The following SLC43A1 variants were observed in gnomAD, a reference collection of about 807,000 sequenced individuals.
SLC43A1 encodes the protein large neutral amino acids transporter small subunit 3.
Under a neutral mutation model 59.5 loss-of-function variants are expected in SLC43A1, and 31 were observed. The ratio of observed to expected loss-of-function variants is 0.52; its 90% CI spans 0.39 to 0.70. The LOEUF is 0.70. Among genes scored for constraint, SLC43A1 ranks in the 30% least tolerant of loss-of-function variants. The probability of loss-of-function intolerance (pLI) is 0.00; values close to 1 mark genes in which losing one functional copy is unlikely to be tolerated. For synonymous variants in SLC43A1, 259 were observed against 290.9 expected (o/e 0.89, Z 1.12); for missense variants, 598 against 717.8 (o/e 0.83, Z 1.91).
Position 57,484,989 on chromosome 11 carries a change from G to A in SLC43A1, c.*107C>T, listed in dbSNP as rs557975271. The A allele has an allele frequency of 2.2e-4, 273 of 1,233,752 alleles. 2 individuals carry two copies. In the South Asian group the frequency reaches 2.5e-3, roughly 11 times the overall value. The allele number at this position is 1,233,752 out of a possible 1,614,324, so 76.4% of individuals were successfully genotyped here. A position where few individuals can be genotyped will look rare whatever the true frequency, so the allele number is the denominator to read the frequency against. On this transcript the variant is annotated 3_prime_UTR_variant, in exon 15 of 15. Transcript: ENST00000278426. Reference sequence around the variant, plus strand: ...CTTCTCTTGGTATTTATAAATCTACGGCCATGGCTCTATGTGCATGTTACA... The same window carrying A: ...CTTCTCTTGGTATTTATAAATCTACAGCCATGGCTCTATGTGCATGTTACA...
rs749406908 is a variant in SLC43A1, at chr11:57,488,904, C to A, written c.1409+12G>T. 2 of 1,612,130 alleles carry A rather than the reference C, an allele frequency of 1.2e-6. No homozygotes were observed. Among genetic ancestry groups the A allele is most frequent in the South Asian group, 2.2e-5 (2 of 91,040 alleles). ...CAAAGCTCAGGAAGGCATTTCAGCC[C>A]AACAGACTCACACTGCAGCATAGAG... On this transcript the variant is annotated intron_variant, in intron 13 of 14. Transcript: ENST00000278426.
chr11:57,489,354 C>T lies in SLC43A1; in HGVS notation c.1232G>A (p.Cys411Tyr), dbSNP rs1290618019. ...GGCATTGGTGAGCTTTTGGATCTTG[C>T]AGTAGCGTGGTCTGATGGATTTGGT... Reference protein sequence around the residue: ...VATKSIRPRYCKIQKLTNAIS... With the variant: ...VATKSIRPRYYKIQKLTNAIS... The change falls in exon 12 of 15, where the codon TGC becomes TAC. Residue 411 changes from cysteine to tyrosine, a missense_variant. Coordinates refer to ENST00000278426, the MANE Select transcript of SLC43A1 (RefSeq NM_003627.6). 27 of 1,614,184 alleles carry T rather than the reference C, an allele frequency of 1.7e-5. No homozygotes were observed. Among genetic ancestry groups the T allele is most frequent in the Non-Finnish European group, 2.0e-5 (24 of 1,180,040 alleles).
At chr11:57,492,406 C>G (rs1444769302) in intron 8 of SLC43A1, among the ~76,000 whole-genome samples, 1 of 123,374 alleles carries the variant, frequency 8.1e-6, no homozygotes, top group Non-Finnish European at 1.6e-5. Context: ...TGGTGGTCAA[C>G]ATAGCAAGAC....
At chr11:57,487,696 G>A (rs1038850616) in intron 13 of SLC43A1, among the ~76,000 whole-genome samples, 1 of 151,586 alleles carries the variant, frequency 6.6e-6, no homozygotes, top group Non-Finnish European at 1.5e-5. Flanking sequence ...AGTGATAAAC[G>A]CTGAGAAAAA....
At chr11:57,502,987 C>G (rs1944305118) in intron 2 of SLC43A1, among the ~76,000 whole-genome samples, 1 of 152,086 alleles carries the variant, frequency 6.6e-6, no homozygotes, top group African/African-American at 2.4e-5. Context: ...GACATCTGCC[C>G]TCAGTAGTGA....
chr11:57,497,827 T>C lies in SLC43A1; in HGVS notation c.484A>G (p.Asn162Asp). The change falls in exon 6 of 15, where the codon AAC (asparagine) becomes GAC (aspartate). Residue 162 changes from asparagine to aspartate, a missense_variant. Coordinates refer to ENST00000278426, the MANE Select transcript of SLC43A1 (RefSeq NM_003627.6). Reference protein sequence around the residue: ...TSLTLPNMFGNLRSTLMALMI... With the variant: ...TSLTLPNMFGDLRSTLMALMI... ...AGGGCCATTAACGTGGAGCGCAGGT[T>C]CCCAAACATGTTGGGCAGCTGAGGA... 1 of 1,613,354 alleles carries C rather than the reference T, an allele frequency of 6.2e-7. No homozygotes were observed. Among genetic ancestry groups the C allele is most frequent in the Non-Finnish European group, 8.5e-7 (1 of 1,179,824 alleles).
At chr11:57,492,123 C>T (rs576232381) in intron 8 of SLC43A1, among the ~76,000 whole-genome samples, 48 of 151,798 alleles carry the variant, frequency 3.2e-4, no homozygotes, top group Admixed American at 2.3e-3. Context: ...AATCCCAACA[C>T]TTTGAAAGGC....
chr11:57,501,298 C>T lies in SLC43A1; in HGVS notation c.186G>A (p.Glu62=). The change falls in exon 3 of 15, where the codon GAG becomes GAA. Residue 62 remains glutamate (E), a synonymous_variant. Transcript: ENST00000278426. ...AESSTNTTQD[E]QRRWPGCDQQ... ...GGTCACAGCCTGGCCACCTGCGCTG[C>T]TCATCCTGGGTGGTGTTGGTGCTGC... 6.2e-7 allele frequency: 1 copy of T among 1,611,174 alleles called. No homozygotes were observed. The highest frequency in any genetic ancestry group is 8.5e-7 in the Non-Finnish European group (1 of 1,180,020).
At chr11:57,491,457 T>C (rs1471633959) in intron 10 of SLC43A1, 95 bp from the exon 11 acceptor site, 1 of 1,557,310 alleles carries the variant, frequency 6.4e-7, no homozygotes, top group African/African-American at 1.4e-5. Flanking sequence ...CAAAATAGCC[T>C]TCCTCTGAAC....
rs61412196 is a variant in SLC43A1, at chr11:57,510,457, C to CAAAA, written c.154+3497_154+3500dup. Reference sequence around the variant, plus strand: ...TAGGCAACAGAGTGAGACTCCATCTCAAAAAAAAAAAAAAAAAAAAAAAAA... The same window carrying CAAAA: ...TAGGCAACAGAGTGAGACTCCATCTCAAAAAAAAAAAAAAAAAAAAAAAAAAAAA... On this transcript the variant is annotated intron_variant, in intron 2 of 14. Transcript: ENST00000278426. Among the ~76,000 whole-genome samples, 41 of 25,768 alleles carry CAAAA rather than the reference C, an allele frequency of 1.6e-3. 3 individuals are homozygous for CAAAA. The East Asian group carries it at 0.026, about 16-fold the overall frequency. The allele number at this position is 25,768 out of a possible 152,430, so 16.9% of individuals were successfully genotyped here. A position where few individuals can be genotyped will look rare whatever the true frequency, so the allele number is the denominator to read the frequency against.
chr11:57,496,884 C>G (rs1228375204), intron 6 of SLC43A1, among the ~76,000 whole-genome samples: 1 of 152,240 alleles, frequency 6.6e-6, no homozygotes, highest in Admixed American at 6.5e-5. Context: ...GGCTCCTGCT[C>G]AAACCTTTTT....
At position 57,501,002 on chromosome 11, in the gene SLC43A1, G is replaced by A. The variant is rs1377096934; in HGVS notation, c.374C>T (p.Ser125Phe). ...AGACAACTCACCTTCCACGTCCCGG[G>A]AGGCCAGGGCCATGAGGGTGCAGGA... The part of the protein sequence containing the change: ...TASCTLMALA[S>F]RDVEALSPLI... The change falls in exon 4 of 15, where the codon TCC becomes TTC. Residue 125 changes from serine to phenylalanine, a missense_variant. Ser to Phe is a radical substitution (Grantham distance 155). Coordinates refer to ENST00000278426, the MANE Select transcript of SLC43A1 (RefSeq NM_003627.6). 1.2e-6 allele frequency: 2 copies of A among 1,600,270 alleles called. No homozygotes were observed. The highest frequency in any genetic ancestry group is 4.5e-5 in the East Asian group (2 of 44,274).
chr11:57,491,863 C>T lies in SLC43A1; in HGVS notation c.872-1G>A. ...AGGCTCTTGCGTAAGGGGACAGACCCTGGGGAGACAGCAGGGGGCGCCCCT... is the reference window on the plus strand; with the variant it reads ...AGGCTCTTGCGTAAGGGGACAGACCTTGGGGAGACAGCAGGGGGCGCCCCT... On this transcript the variant is annotated splice_acceptor_variant, in intron 8 of 14. Transcript: ENST00000278426. LOFTEE classifies it high-confidence loss of function. The T allele has an allele frequency of 6.2e-7, 1 of 1,613,876 alleles. No homozygotes were observed. Among genetic ancestry groups the T allele is most frequent in the Admixed American group, 1.7e-5 (1 of 60,016 alleles).
intron 2 of SLC43A1, among the ~76,000 whole-genome samples, chr11:57,512,635 T>C (rs1441615607): frequency 1.3e-5 from 2 of 151,928 alleles, no homozygotes; most frequent in Admixed American, 1.3e-4. Context: ...CATAGGGGAC[T>C]TAGATGCCAT....
At chr11:57,500,110 C>T (rs1035139354) in intron 5 of SLC43A1, among the ~76,000 whole-genome samples, 2 of 152,208 alleles carry the variant, frequency 1.3e-5, no homozygotes, top group African/African-American at 4.8e-5. Context: ...AAGCCTTTAA[C>T]GCGTTTACAC....
rs141426221 is a variant in SLC43A1, at chr11:57,497,786, G to T, written c.525C>A (p.Tyr175Ter). ...STLMALMIGS[Y>*]ASSAITFPGI... Reference sequence around the variant, plus strand: ...CTGGGAACGTAATGGCAGAAGAGGCGTAAGAGCCAATCATGAGGGCCATTA... The same window carrying T: ...CTGGGAACGTAATGGCAGAAGAGGCTTAAGAGCCAATCATGAGGGCCATTA... The change falls in exon 6 of 15, where the codon TAC (tyrosine) becomes TAA (stop). Residue 175 changes from tyrosine to a stop codon, truncating the protein, a stop_gained. Transcript: ENST00000278426. LOFTEE classifies it high-confidence loss of function. 1.2e-6 allele frequency: 2 copies of T among 1,613,722 alleles called. No individual in the cohort carries two copies. The highest frequency in any genetic ancestry group is 2.2e-5 in the East Asian group (1 of 44,872).
Position 57,514,336 on chromosome 11 carries a change from A to T in SLC43A1, c.-13-212T>A. ...TGCACGCGGCACGGGGCTCCCGCTG[A>T]GCCACTATCGGAAACAAGGAAGGTC... On this transcript the variant is annotated intron_variant, in intron 1 of 14. Transcript: ENST00000278426. This position sits in a 1 kb window ranked among gnomAD's most constrained non-coding sequence, Gnocchi z 5.5. The T allele has an allele frequency of 1.8e-6, 1 of 566,090 alleles. No individual in the cohort carries two copies. The highest frequency in any genetic ancestry group is 4.8e-4 in the Middle Eastern group (1 of 2,082). The allele number at this position is 566,090 out of a possible 1,614,324, so 35.1% of individuals were successfully genotyped here.
chr11:57,504,725 C>T (rs1320982246), intron 2 of SLC43A1, among the ~76,000 whole-genome samples: 1 of 152,218 alleles, frequency 6.6e-6, no homozygotes, highest in Admixed American at 6.5e-5. Context: ...CCAGTTAGCT[C>T]AGTAAGTTTC....
At chr11:57,489,967 G>A (rs1330596021) in intron 11 of SLC43A1, among the ~76,000 whole-genome samples, 1 of 152,184 alleles carries the variant, frequency 6.6e-6, no homozygotes, top group Non-Finnish European at 1.5e-5. Flanking sequence ...CATGTGTCCT[G>A]GACAGAAGGG....
Sources: allele counts gnomAD v4.1 joint callset (sites outside exome capture counted in the v4.1 genomes callset), GRCh38; gene constraint gnomAD v4.1.1; non-coding constraint Gnocchi (gnomAD v3.1); transcripts MANE v1.5; gene names NCBI Gene and HGNC (gene_info 2026-07-23, HGNC 2026-07-21).